TRANK1: variants seen among roughly 807,000 people sequenced by gnomAD.
TRANK1 encodes tetratricopeptide repeat and ankyrin repeat containing 1.
A neutral mutation model predicts 266.0 loss-of-function variants in TRANK1; 198 were observed. That is an observed-to-expected ratio of 0.74 (90% CI 0.66 to 0.84). The LOEUF (loss-of-function observed/expected upper bound fraction) is 0.84, where lower values mean the gene tolerates loss of function less well. Among genes scored for constraint, TRANK1 ranks in the 40% least tolerant of loss-of-function variants. The pLI is 0.00. For missense variants in TRANK1, 3,326 were observed against 3,634.6 expected (o/e 0.92, Z 2.18); for synonymous variants, 1,396 against 1,384.1 (o/e 1.01, Z -0.19).
intron 1 of TRANK1, among the ~76,000 whole-genome samples, chr3:36,918,766 C>T (rs575743801): frequency 6.6e-6 from 1 of 152,142 alleles, no homozygotes; most frequent in Non-Finnish European, 1.5e-5. Flanking sequence ...TTTCCTTACG[C>T]ACACTATGTT....
At chr3:36,894,927 C>A (rs1339091144) in intron 5 of TRANK1, among the ~76,000 whole-genome samples, 1 of 152,160 alleles carries the variant, frequency 6.6e-6, no homozygotes, top group Non-Finnish European at 1.5e-5. Context: ...TTAGAATATG[C>A]CAGGTATTAT....
intron 1 of TRANK1, among the ~76,000 whole-genome samples, chr3:36,934,641 C>T (rs1221223610): frequency 6.6e-6 from 1 of 152,152 alleles, no homozygotes; most frequent in Non-Finnish European, 1.5e-5. Flanking sequence ...CCTCGGAATC[C>T]TTTGTGAAAC....
chr3:36,934,884 G>C (rs776657736), intron 1 of TRANK1, among the ~76,000 whole-genome samples: 1 of 152,134 alleles, frequency 6.6e-6, no homozygotes, highest in Non-Finnish European at 1.5e-5. Flanking sequence ...CTATCCCTGA[G>C]TTGGGTTCAC....
intron 9 of TRANK1, among the ~76,000 whole-genome samples, chr3:36,871,206 G>A (rs919882564): frequency 5.3e-5 from 8 of 151,974 alleles, no homozygotes; most frequent in Non-Finnish European, 5.9e-5. Flanking sequence ...TGGCCAACAC[G>A]CTGAAACCCC....
At position 36,838,425 on chromosome 3, in the gene TRANK1, T is replaced by C; in HGVS notation, c.5464A>G (p.Ser1822Gly). ...GAGAGCTGGAACTCCTTGGCATAGCTCAGACACTTAAGGGACAGTGTTGGC... is the reference window on the plus strand; with the variant it reads ...GAGAGCTGGAACTCCTTGGCATAGCCCAGACACTTAAGGGACAGTGTTGGC... Reference protein sequence around the residue: ...KEPTLSLKCLSYAKEFQLSAQ... With the variant: ...KEPTLSLKCLGYAKEFQLSAQ... The change falls in exon 20 of 24, where the codon AGC (serine) becomes GGC (glycine). Residue 1822 changes from serine to glycine, a missense_variant. Ser to Gly is a moderately conservative substitution (Grantham distance 56). Coordinates refer to ENST00000645898, the MANE Select transcript of TRANK1 (RefSeq NM_001329998.2). 6.2e-7 allele frequency: 1 copy of C among 1,614,020 alleles called. No individual in the cohort carries two copies. The highest frequency in any genetic ancestry group is 8.5e-7 in the Non-Finnish European group (1 of 1,179,898).
At chr3:36,874,043 C>A in intron 9 of TRANK1, 83 bp downstream of exon 9, 1 of 1,270,664 alleles carries the variant, frequency 7.9e-7, no homozygotes. Flanking sequence ...TATATATATA[C>A]CAAAAAGAGA....
At chr3:36,936,856 C>T (rs1415306085) in intron 1 of TRANK1, among the ~76,000 whole-genome samples, 1 of 152,208 alleles carries the variant, frequency 6.6e-6, no homozygotes, top group Non-Finnish European at 1.5e-5. Flanking sequence ...AATCCCAGCA[C>T]TTTGGGAGAC....
intron 8 of TRANK1, among the ~76,000 whole-genome samples, chr3:36,879,121 G>T (rs1467597990): frequency 1.3e-5 from 2 of 151,382 alleles, no homozygotes; most frequent in East Asian, 3.9e-4. Context: ...TAGAAACATG[G>T]GCTTACCTGG....
chr3:36,896,910 C>T (rs1339378151), intron 4 of TRANK1, among the ~76,000 whole-genome samples: 1 of 152,138 alleles, frequency 6.6e-6, no homozygotes, highest in Non-Finnish European at 1.5e-5. Context: ...AGGAGAATCG[C>T]TTGAACCCAG....
chr3:36,850,667 G>A, intron 15 of TRANK1: 1 of 872,260 alleles, frequency 1.1e-6, no homozygotes, highest in Non-Finnish European at 1.4e-6. Flanking sequence ...TAACCTCAGA[G>A]GGTTGGTGGA....
At chr3:36,864,538 G>A in intron 9 of TRANK1, 58 bp from the exon 10 acceptor site, 1 of 1,450,282 alleles carries the variant, frequency 6.9e-7, no homozygotes, top group Middle Eastern at 1.8e-4. Flanking sequence ...GTTACAGATT[G>A]CAAAAATAAC....
At chr3:36,874,101 A>G in intron 9 of TRANK1, 25 bp downstream of exon 9, 1 of 1,524,630 alleles carries the variant, frequency 6.6e-7, no homozygotes, top group Non-Finnish European at 8.8e-7. Flanking sequence ...ATGCCCCCCA[A>G]AAGTTAATAC....
rs2080554526 is a variant in TRANK1 at position 36,945,030 on chromosome 3, C to A, written c.-221G>T. 2 of 470,746 alleles carry A rather than the reference C, an allele frequency of 4.2e-6. No individual in the cohort carries two copies. The highest frequency in any genetic ancestry group is 3.6e-5 in the East Asian group (1 of 27,398). The allele number at this position is 470,746 out of a possible 1,614,324, so 29.2% of individuals were successfully genotyped here. ...GGACGCAGGAACCCCGGCGTCCGGG[C>A]GGTGTGCAGCCGCAGACCTATTCCA... is the stretch of plus-strand genomic sequence containing the variant. On this transcript the variant is annotated 5_prime_UTR_variant, in exon 1 of 24. Coordinates refer to ENST00000645898, the MANE Select transcript of TRANK1 (RefSeq NM_001329998.2).
rs749619179 is a variant in TRANK1, at chr3:36,857,258, T to G, written c.2464A>C (p.Ile822Leu). Residue 822 changes from isoleucine to leucine, a missense_variant, in exon 13 of 24, where the codon ATT becomes CTT. Transcript: ENST00000645898. The surrounding 1 kb of genome is among the most constrained non-coding windows in gnomAD (Gnocchi z 4.3). ...DDQDDWSTQE[I>L]EACLQDFDNM... ...TCGAAGTCCTGGAGGCAGGCCTCAA[T>G]CTCCTGCGTGCTCCAGTCATCCTGA... is the stretch of plus-strand genomic sequence containing the variant. The G allele has an allele frequency of 6.8e-6, 11 of 1,611,912 alleles. No individual in the cohort carries two copies. Among genetic ancestry groups the G allele is most frequent in the Non-Finnish European group, 9.3e-6 (11 of 1,178,836 alleles).
chr3:36,874,433 A>C, intron 8 of TRANK1, 137 bp from the exon 9 acceptor site: 1 of 888,810 alleles, frequency 1.1e-6, no homozygotes, highest in East Asian at 2.7e-5. Flanking sequence ...TGGAGCCTGC[A>C]CTGCTAGCCT....
chr3:36,849,001 T>G (rs1482293610), intron 15 of TRANK1, among the ~76,000 whole-genome samples: 1 of 152,144 alleles, frequency 6.6e-6, no homozygotes, highest in African/African-American at 2.4e-5. Flanking sequence ...AGGTGGGGCC[T>G]TTTAGGAGTG....
At chr3:36,868,015 G>A (rs936453535) in intron 9 of TRANK1, among the ~76,000 whole-genome samples, 3 of 152,220 alleles carry the variant, frequency 2.0e-5, no homozygotes, top group East Asian at 1.9e-4. Context: ...GAGTGAGTGC[G>A]GATGTGTGTG....
At chr3:36,916,043 T>C (rs918476043) in intron 1 of TRANK1, among the ~76,000 whole-genome samples, 2 of 152,220 alleles carry the variant, frequency 1.3e-5, no homozygotes, top group African/African-American at 4.8e-5. Context: ...AGCAGCATTG[T>C]CTATGACAAC....
chr3:36,836,177 C>T (rs1327093778), intron 20 of TRANK1, among the ~76,000 whole-genome samples: 3 of 152,168 alleles, frequency 2.0e-5, no homozygotes, highest in Non-Finnish European at 2.9e-5. Flanking sequence ...TCCCAGAAAG[C>T]GAAGGGACTG....
Sources: allele counts gnomAD v4.1 joint callset (sites outside exome capture counted in the v4.1 genomes callset), GRCh38; gene constraint gnomAD v4.1.1; non-coding constraint Gnocchi (gnomAD v3.1); transcripts MANE v1.5; gene names NCBI Gene and HGNC (gene_info 2026-07-23, HGNC 2026-07-21).